Variants in PDZRN4 observed in about 807,000 individuals in gnomAD.
PDZRN4 encodes the protein PDZ domain containing ring finger 4, also known as PDZ domain-containing RING finger protein 4.
PDZRN4 carries 70 observed loss-of-function variants against 99.0 expected under a neutral mutation model. The observed-to-expected ratio is 0.71, with a 90% CI of 0.58 to 0.86. PDZRN4 has a LOEUF of 0.86. PDZRN4 is among the 40% of genes least tolerant of loss of function. The probability of loss-of-function intolerance (pLI) is 0.00; values close to 1 mark genes in which losing one functional copy is unlikely to be tolerated. For synonymous variants in PDZRN4, 551 were observed against 501.6 expected, an observed-to-expected ratio of 1.10 and a Z score of -1.32; for missense variants, 1,474 against 1,331.2, an observed-to-expected ratio of 1.11 and a Z score of -1.67.
chr12:41,301,359 A>G (rs1383546760), intron 3 of PDZRN4, among the ~76,000 whole-genome samples: 1 of 152,060 alleles, frequency 6.6e-6, no homozygotes, highest in Non-Finnish European at 1.5e-5. Flanking sequence ...ATTCTGCAGA[A>G]CAGTGGAATA....
chr12:41,300,381 A>C (rs1453276568), intron 3 of PDZRN4, among the ~76,000 whole-genome samples: 1 of 152,010 alleles, frequency 6.6e-6, no homozygotes, highest in Non-Finnish European at 1.5e-5. Context: ...ACAGTTCAAT[A>C]ATGTTTCAAA....
At chr12:41,359,779 G>A (rs1448231945) in intron 3 of PDZRN4, among the ~76,000 whole-genome samples, 1 of 151,904 alleles carries the variant, frequency 6.6e-6, no homozygotes, top group African/African-American at 2.4e-5. Context: ...ACCCAGTCTT[G>A]AGTATGTCTT....
chr12:41,553,796 A>C (rs2120803628), intron 6 of PDZRN4, among the ~76,000 whole-genome samples: 1 of 152,252 alleles, frequency 6.6e-6, no homozygotes, highest in South Asian at 2.1e-4. Context: ...TTTATATATA[A>C]ATGCAGAAGT....
intron 3 of PDZRN4, among the ~76,000 whole-genome samples, chr12:41,453,437 G>A (rs1256351054): frequency 6.6e-6 from 1 of 152,290 alleles, no homozygotes; most frequent in African/African-American, 2.4e-5. Flanking sequence ...TTAAGAGTGT[G>A]TCATTGGAGC....
At chr12:41,340,336 A>G (rs1443174281) in intron 3 of PDZRN4, among the ~76,000 whole-genome samples, 4 of 152,054 alleles carry the variant, frequency 2.6e-5, no homozygotes, top group African/African-American at 9.7e-5. Context: ...CAGCCAGACA[A>G]ACTTCACATG....
chr12:41,216,649 T>G (rs958443984), intron 3 of PDZRN4, among the ~76,000 whole-genome samples: 1 of 152,094 alleles, frequency 6.6e-6, no homozygotes, highest in Non-Finnish European at 1.5e-5. Context: ...TGGATTATTT[T>G]ATAGTAGGCA....
chr12:41,505,550 G>T (rs1222792707), intron 3 of PDZRN4, among the ~76,000 whole-genome samples: 2 of 152,102 alleles, frequency 1.3e-5, no homozygotes, highest in Non-Finnish European at 2.9e-5. Flanking sequence ...GAACCACAGA[G>T]GTTGGGAAAC....
intron 3 of PDZRN4, among the ~76,000 whole-genome samples, chr12:41,223,832 A>G (rs1950974763): frequency 2.0e-5 from 3 of 152,158 alleles, no homozygotes; most frequent in African/African-American, 7.2e-5. Flanking sequence ...CTGCTGAGAA[A>G]CCCAAAAAAT....
chr12:41,438,232 A>G (rs1012169509), intron 3 of PDZRN4, among the ~76,000 whole-genome samples: 2 of 152,086 alleles, frequency 1.3e-5, no homozygotes, highest in African/African-American at 4.8e-5. Context: ...TCTTTTTAAC[A>G]TTTTGTGTAT....
At chr12:41,517,604 A>G (rs561773524) in intron 5 of PDZRN4, among the ~76,000 whole-genome samples, 1 of 152,202 alleles carries the variant, frequency 6.6e-6, no homozygotes, top group South Asian at 2.1e-4. Flanking sequence ...CCAGTTCTAG[A>G]TCTGTCTCTT....
chr12:41,197,747 G>T (rs139492897), intron 3 of PDZRN4, among the ~76,000 whole-genome samples: 187 of 152,140 alleles, frequency 1.2e-3, no homozygotes, highest in African/African-American at 3.9e-3. Context: ...CCTATCGAAG[G>T]TTGGGCACAA....
intron 3 of PDZRN4, among the ~76,000 whole-genome samples, chr12:41,441,681 C>T (rs985802970): frequency 1.3e-5 from 2 of 152,050 alleles, no homozygotes; most frequent in Non-Finnish European, 2.9e-5. Context: ...GGGTGCTGTC[C>T]CAGATCTTTC....
At chr12:41,562,205 T>G (rs1165544824) in intron 7 of PDZRN4, among the ~76,000 whole-genome samples, 1 of 152,144 alleles carries the variant, frequency 6.6e-6, no homozygotes, top group Non-Finnish European at 1.5e-5. Flanking sequence ...TGTGCCCATA[T>G]ATATATATTT....
At chr12:41,371,057 G>A (rs1394167924) in intron 3 of PDZRN4, among the ~76,000 whole-genome samples, 2 of 150,346 alleles carry the variant, frequency 1.3e-5, no homozygotes, top group Non-Finnish European at 3.0e-5. Flanking sequence ...ATCTCTCCAT[G>A]TATATTTACA....
At chr12:41,300,131 A>C (rs1951524457) in intron 3 of PDZRN4, among the ~76,000 whole-genome samples, 1 of 151,956 alleles carries the variant, frequency 6.6e-6, no homozygotes, top group Non-Finnish European at 1.5e-5. Context: ...TGATAAGTAC[A>C]TTCTAAAACG....
chr12:41,472,915 A>G (rs2733269), intron 3 of PDZRN4, among the ~76,000 whole-genome samples: 91,732 of 152,062 alleles, frequency 0.6, 28,454 homozygotes, highest in African/African-American at 0.76. Flanking sequence ...ACTAGCAACA[A>G]CCAAAATGTT....
At chr12:41,357,799 G>C (rs1951938210) in intron 3 of PDZRN4, among the ~76,000 whole-genome samples, 1 of 151,954 alleles carries the variant, frequency 6.6e-6, no homozygotes, top group Non-Finnish European at 1.5e-5. Context: ...CCACTAAAAT[G>C]TTCCAGTACC....
intron 3 of PDZRN4, among the ~76,000 whole-genome samples, chr12:41,233,171 A>G (rs1420458796): frequency 5.3e-5 from 8 of 152,184 alleles, no homozygotes; most frequent in Admixed American, 3.3e-4. Context: ...TATGCAGCCA[A>G]AAAACACATG....
chr12:41,206,689 C>T (rs1273889643), intron 3 of PDZRN4, among the ~76,000 whole-genome samples: 1 of 151,814 alleles, frequency 6.6e-6, no homozygotes, highest in Non-Finnish European at 1.5e-5. Flanking sequence ...TCTAGCCCTG[C>T]TATCAAAACT....
Sources: allele counts gnomAD v4.1 joint callset (sites outside exome capture counted in the v4.1 genomes callset), GRCh38; gene constraint gnomAD v4.1.1; transcripts MANE v1.5; gene names NCBI Gene and HGNC (gene_info 2026-07-23, HGNC 2026-07-21).